The following PPM1L variants were observed in gnomAD, a reference collection of about 807,000 sequenced individuals.
PPM1L encodes protein phosphatase 1L.
PPM1L carries 13 observed loss-of-function variants against 31.4 expected under a neutral mutation model. The observed-to-expected ratio is 0.41, with a 90% CI of 0.27 to 0.66. PPM1L has a LOEUF of 0.66. PPM1L is among the 30% of genes least tolerant of loss of function. The pLI is 0.29. For synonymous variants in PPM1L, 184 were observed against 175.4 expected, an observed-to-expected ratio of 1.05 and a Z score of -0.39; for missense variants, 326 against 453.7, an observed-to-expected ratio of 0.72 and a Z score of 2.56.
At chr3:160,763,285 G>A (rs1042986473) in intron 1 of PPM1L, among the ~76,000 whole-genome samples, 1 of 152,206 alleles carries the variant, frequency 6.6e-6, no homozygotes, top group African/African-American at 2.4e-5. Flanking sequence ...TGTGACTCAT[G>A]TGGCAGAGAA....
At chr3:161,023,196 A>T (rs1718288130) in intron 2 of PPM1L, among the ~76,000 whole-genome samples, 1 of 144,668 alleles carries the variant, frequency 6.9e-6, no homozygotes, top group Non-Finnish European at 1.5e-5. Context: ...GTTTGATTGT[A>T]TGTCTTGGTG....
intron 1 of PPM1L, among the ~76,000 whole-genome samples, chr3:160,961,091 G>T (rs888261084): frequency 5.9e-5 from 9 of 152,162 alleles, no homozygotes; most frequent in African/African-American, 1.9e-4. Context: ...GTCAAAGTAA[G>T]AATTATATAT....
chr3:160,792,704 A>G (rs1281121549), intron 1 of PPM1L, among the ~76,000 whole-genome samples: 3 of 152,220 alleles, frequency 2.0e-5, no homozygotes, highest in Non-Finnish European at 2.9e-5. Context: ...TATCCAGACT[A>G]TCTATGTTTC....
chr3:160,863,543 C>T (rs1425882685), intron 1 of PPM1L, among the ~76,000 whole-genome samples: 2 of 152,182 alleles, frequency 1.3e-5, no homozygotes, highest in Non-Finnish European at 2.9e-5. Flanking sequence ...CTCATGAAAG[C>T]TCCAACCCTA....
intron 2 of PPM1L, among the ~76,000 whole-genome samples, chr3:161,058,416 C>A (rs1013511100): frequency 4.6e-5 from 7 of 151,956 alleles, no homozygotes; most frequent in Non-Finnish European, 7.4e-5. Flanking sequence ...TGAGCCACCA[C>A]ACCCAGCCCA....
At chr3:160,910,286 CCCCTTCCCCG>C (rs1233161052) in intron 1 of PPM1L, among the ~76,000 whole-genome samples, 31 of 127,230 alleles carry the variant, frequency 2.4e-4, no homozygotes, top group African/African-American at 6.7e-4. Context: ...CCTTCCCTTT[CCCCTTCCCCG>C]TTCCCTTCCC....
At position 160,993,807 on chromosome 3, in the gene PPM1L, A is replaced by C. The variant is rs377204791; in HGVS notation, c.574+31897A>C. Among the ~76,000 whole-genome samples, 9 of 152,292 alleles carry C rather than the reference A, an allele frequency of 5.9e-5. 1 individual carries two copies. Among genetic ancestry groups the C allele is most frequent in the African/African-American group, 2.2e-4 (9 of 41,568 alleles). ...GCCAAGTTACAAAACTTGAACCGAC[A>C]AATGGTATATACAGACAGACAGTGT... On this transcript the variant is annotated intron_variant, in intron 2 of 3. Transcript: ENST00000498165.
chr3:160,918,036 A>G (rs1714251837), intron 1 of PPM1L, among the ~76,000 whole-genome samples: 1 of 152,164 alleles, frequency 6.6e-6, no homozygotes, highest in Non-Finnish European at 1.5e-5. Flanking sequence ...CTGCACATGC[A>G]CACTTGCACG....
At chr3:161,067,905 G>A (rs1011269937) in intron 3 of PPM1L, among the ~76,000 whole-genome samples, 2 of 152,130 alleles carry the variant, frequency 1.3e-5, no homozygotes, top group African/African-American at 4.8e-5. Flanking sequence ...AGCAGACACT[G>A]GTCTCGCCCT....
At chr3:160,959,286 G>A (rs955918714) in intron 1 of PPM1L, among the ~76,000 whole-genome samples, 2 of 152,066 alleles carry the variant, frequency 1.3e-5, no homozygotes, top group Non-Finnish European at 2.9e-5. Context: ...ATGGACTTTG[G>A]GGACATAAGG....
chr3:160,917,107 T>C (rs1714211946), intron 1 of PPM1L, among the ~76,000 whole-genome samples: 1 of 152,222 alleles, frequency 6.6e-6, no homozygotes, highest in Non-Finnish European at 1.5e-5. Context: ...TTATACTATT[T>C]ACTTCTGGTC....
At chr3:160,920,615 T>TCACACACA (rs1162244272) in intron 1 of PPM1L, among the ~76,000 whole-genome samples, 4 of 28,662 alleles carry the variant, frequency 1.4e-4, no homozygotes, top group African/African-American at 4.1e-4. Flanking sequence ...TCTCTCTCTC[T>TCACACACA]CACACACACA....
intron 1 of PPM1L, among the ~76,000 whole-genome samples, chr3:160,897,076 C>G (rs1019703456): frequency 1.6e-4 from 21 of 132,856 alleles, no homozygotes; most frequent in African/African-American, 5.1e-4. Flanking sequence ...TGGAGTCTTG[C>G]TCTTTCACCA....
rs755440707 is a variant in PPM1L, at chr3:160,961,798, C to T, written c.462C>T (p.Tyr154=). 41 of 1,602,312 alleles carry T rather than the reference C, an allele frequency of 2.6e-5. No homozygotes were observed. The highest frequency in any genetic ancestry group is 1.6e-4 in the Middle Eastern group (1 of 6,064). ...PEALKQHLQD[Y]EKDKENSVLS... ...CCCTTAAACAGCATCTTCAGGACTA[C>T]GAGAAAGACAAAGAAAATAGTGTAT... The change falls in exon 2 of 4, where the codon TAC becomes TAT. Residue 154 remains tyrosine, a synonymous_variant. Transcript: ENST00000498165.
chr3:160,781,718 A>G (rs1281697000), intron 1 of PPM1L, among the ~76,000 whole-genome samples: 3 of 152,196 alleles, frequency 2.0e-5, no homozygotes, highest in African/African-American at 7.2e-5. Flanking sequence ...GCGCATATTT[A>G]GAAAACCAGT....
At chr3:160,951,328 A>T (rs1715570823) in intron 1 of PPM1L, among the ~76,000 whole-genome samples, 1 of 152,228 alleles carries the variant, frequency 6.6e-6, no homozygotes, top group Non-Finnish European at 1.5e-5. Context: ...ATTGAGGGGC[A>T]AAGAATTCAT....
chr3:160,828,654 A>G (rs1293404972), intron 1 of PPM1L, among the ~76,000 whole-genome samples: 2 of 152,016 alleles, frequency 1.3e-5, no homozygotes, highest in Non-Finnish European at 2.9e-5. Context: ...AGCGTCATTC[A>G]CACCTGGGAC....
At chr3:160,777,489 G>A (rs1344326863) in intron 1 of PPM1L, among the ~76,000 whole-genome samples, 1 of 152,056 alleles carries the variant, frequency 6.6e-6, no homozygotes, top group African/African-American at 2.4e-5. Context: ...TGGGAGAACT[G>A]CAACTCTATA....
chr3:160,894,028 G>A (rs545144406), intron 1 of PPM1L, among the ~76,000 whole-genome samples: 2 of 152,112 alleles, frequency 1.3e-5, no homozygotes, highest in Non-Finnish European at 2.9e-5. Context: ...TTTAAGGTAG[G>A]CTAGGCTAGA....
Sources: allele counts gnomAD v4.1 joint callset (sites outside exome capture counted in the v4.1 genomes callset), GRCh38; gene constraint gnomAD v4.1.1; transcripts MANE v1.5; gene names NCBI Gene and HGNC (gene_info 2026-07-23, HGNC 2026-07-21).